MEIKIN: variants seen among roughly 807,000 people sequenced by gnomAD.
The protein encoded by MEIKIN is meiosis-specific kinetochore protein.
chr5:131,888,793 C>A (rs1416755989), intron 8 of MEIKIN, among the ~76,000 whole-genome samples: 1 of 152,138 alleles, frequency 6.6e-6, no homozygotes, highest in Non-Finnish European at 1.5e-5. Flanking sequence ...CCCATGCCTA[C>A]GTCCTGAATG....
At chr5:131,918,781 C>T (rs972833890) in intron 6 of MEIKIN, among the ~76,000 whole-genome samples, 1 of 152,170 alleles carries the variant, frequency 6.6e-6, no homozygotes, top group Non-Finnish European at 1.5e-5. Flanking sequence ...TAAAAGAATA[C>T]ATGTGGGGCT....
intron 3 of MEIKIN, among the ~76,000 whole-genome samples, chr5:131,943,168 A>G (rs1431628188): frequency 6.6e-6 from 1 of 152,194 alleles, no homozygotes; most frequent in Admixed American, 6.5e-5. Context: ...TAGACATTTC[A>G]CAAAACAGTA....
At position 131,818,637 on chromosome 5, in the gene MEIKIN, GAAT is replaced by G. The variant is rs574844871; in HGVS notation, c.1099+100_1099+102del. ...TTTCCACTTTCTGCAAGAACTCTTA[GAAT>G]ACAATTTATAATTGAATTTCCTGTG... On this transcript the variant is annotated intron_variant, in intron 12 of 12. Coordinates refer to ENST00000442687, the MANE Select transcript of MEIKIN (RefSeq NM_001303622.2). 2.2e-3 allele frequency: 840 copies of G among 378,186 alleles called. 9 individuals are homozygous for G. Among genetic ancestry groups the G allele is most frequent in the African/African-American group, 0.016 (761 of 48,242 alleles). The allele number at this position is 378,186 out of a possible 1,614,324, so 23.4% of individuals were successfully genotyped here.
chr5:131,889,205 G>A (rs189836256), intron 8 of MEIKIN, among the ~76,000 whole-genome samples: 10 of 152,118 alleles, frequency 6.6e-5, no homozygotes, highest in Admixed American at 6.5e-4. Context: ...CTCTTTTTTG[G>A]TTCCATATGA....
intron 7 of MEIKIN, among the ~76,000 whole-genome samples, chr5:131,914,522 AGGGAG>A (rs139805064): frequency 0.01 from 1,193 of 117,800 alleles, 5 homozygotes; most frequent in Non-Finnish European, 0.016. Flanking sequence ...AGAAAAAGGA[AGGGAG>A]GGGAGGGGAG....
intron 8 of MEIKIN, among the ~76,000 whole-genome samples, chr5:131,896,214 C>T (rs560310149): frequency 6.6e-6 from 1 of 152,300 alleles, no homozygotes; most frequent in Admixed American, 6.5e-5. Flanking sequence ...GTTTCTTAAT[C>T]ATGAGTTCTA....
intron 5 of MEIKIN, among the ~76,000 whole-genome samples, chr5:131,926,832 G>A (rs1751594565): frequency 6.6e-6 from 1 of 152,068 alleles, no homozygotes; most frequent in Non-Finnish European, 1.5e-5. Flanking sequence ...GTAGTCTCAT[G>A]ATTATTTTTG....
chr5:131,924,500 G>T (rs1271771621), intron 5 of MEIKIN, among the ~76,000 whole-genome samples: 5 of 151,768 alleles, frequency 3.3e-5, no homozygotes, highest in African/African-American at 1.2e-4. Context: ...TTTGTTTTTT[G>T]TTTTTTTGGT....
intron 12 of MEIKIN, among the ~76,000 whole-genome samples, chr5:131,809,611 T>C (rs1392202198): frequency 6.6e-6 from 1 of 152,004 alleles, no homozygotes; most frequent in East Asian, 1.9e-4. Context: ...GATCAAGACA[T>C]TCCTGGACAA....
intron 9 of MEIKIN, among the ~76,000 whole-genome samples, chr5:131,867,471 T>C (rs1028331804): frequency 5.9e-5 from 9 of 152,214 alleles, no homozygotes; most frequent in Non-Finnish European, 1.2e-4. Context: ...GTACCCACCA[T>C]TCTAATATCA....
chr5:131,840,277 C>G (rs1377085302), intron 11 of MEIKIN, among the ~76,000 whole-genome samples: 1 of 152,142 alleles, frequency 6.6e-6, no homozygotes, highest in Admixed American at 6.5e-5. Context: ...ACCTTTTTCT[C>G]TAGCTGCCTT....
At chr5:131,810,292 C>T (rs554903839) in intron 12 of MEIKIN, among the ~76,000 whole-genome samples, 1 of 152,234 alleles carries the variant, frequency 6.6e-6, no homozygotes, top group Non-Finnish European at 1.5e-5. Context: ...ATTCATAACA[C>T]ATAATTTATC....
chr5:131,932,040 T>C (rs1461369448), intron 5 of MEIKIN, among the ~76,000 whole-genome samples: 1 of 152,188 alleles, frequency 6.6e-6, no homozygotes, highest in East Asian at 1.9e-4. Flanking sequence ...TCAGTATCTT[T>C]AGATATTTTC....
At chr5:131,934,586 T>C (rs1429269395) in intron 4 of MEIKIN, among the ~76,000 whole-genome samples, 1 of 152,172 alleles carries the variant, frequency 6.6e-6, no homozygotes, top group East Asian at 1.9e-4. Flanking sequence ...AAATGCATCA[T>C]ATATCTAAAT....
At chr5:131,827,409 G>A (rs540866727) in intron 11 of MEIKIN, among the ~76,000 whole-genome samples, 66 of 152,218 alleles carry the variant, frequency 4.3e-4, no homozygotes, top group African/African-American at 1.5e-3. Flanking sequence ...AATAATCACA[G>A]TACATATAAA....
chr5:131,889,344 C>A (rs1436547691), intron 8 of MEIKIN, among the ~76,000 whole-genome samples: 1 of 152,204 alleles, frequency 6.6e-6, no homozygotes, highest in African/African-American at 2.4e-5. Flanking sequence ...TACCCACGAG[C>A]ATGGAATGTT....
At chr5:131,917,303 C>A (rs1252701104) in intron 6 of MEIKIN, among the ~76,000 whole-genome samples, 1 of 152,084 alleles carries the variant, frequency 6.6e-6, no homozygotes, top group Non-Finnish European at 1.5e-5. Context: ...CAGTGGTTCA[C>A]GCCTGTAATC....
chr5:131,921,541 C>G lies in MEIKIN; in HGVS notation c.598+281G>C, dbSNP rs754826631. 9.9e-5 allele frequency among the ~76,000 whole-genome samples: 15 copies of G among 151,958 alleles called. 1 individual carries two copies. Among genetic ancestry groups the G allele is most frequent in the Non-Finnish European group, 1.0e-4 (7 of 67,988 alleles). On this transcript the variant is annotated intron_variant, in intron 6 of 12. Coordinates refer to ENST00000442687, the MANE Select transcript of MEIKIN (RefSeq NM_001303622.2). ...CTGTGGTGGCACGTGCCTGTAACCC[C>G]AGCTACTAGGGAGGCTGAGGCAGGA...
At chr5:131,902,092 G>A (rs972948764) in intron 8 of MEIKIN, among the ~76,000 whole-genome samples, 1 of 152,138 alleles carries the variant, frequency 6.6e-6, no homozygotes, top group African/African-American at 2.4e-5. Context: ...TCCTGCTCCA[G>A]CCATGTGAAG....
Sources: gnomAD v4.1 joint callset for allele counts (sites outside exome capture counted in the v4.1 genomes callset) on GRCh38, gnomAD v4.1.1 for gene constraint, MANE v1.5 for transcripts, NCBI Gene and HGNC (gene_info 2026-07-23, HGNC 2026-07-21) for gene names.